The following LANCL3 variants were observed in gnomAD, a reference collection of about 807,000 sequenced individuals.
LANCL3 encodes the protein LanC like family member 3.
Under a neutral mutation model 26.5 loss-of-function variants are expected in LANCL3, and 19 were observed. That is an observed-to-expected ratio of 0.72 (90% CI 0.50 to 1.05). LANCL3 has a LOEUF of 1.05. LANCL3 is among the 50% of genes least tolerant of loss of function. The pLI is 0.00. For missense variants in LANCL3, 318 were observed against 362.7 expected, an observed-to-expected ratio of 0.88 and a Z score of 1.00; for synonymous variants, 160 against 166.6, an observed-to-expected ratio of 0.96 and a Z score of 0.30.
intron 1 of LANCL3, among the ~76,000 whole-genome samples, chrX:37,617,533 C>G (rs1365677696): frequency 1.8e-5 from 2 of 111,737 alleles, no homozygotes; most frequent in African/African-American, 3.3e-5. Flanking sequence ...GGTGGCAACT[C>G]TTTTCTAGAG....
At chrX:37,621,938 G>A (rs1925172350) in intron 1 of LANCL3, among the ~76,000 whole-genome samples, 1 of 111,475 alleles carries the variant, frequency 9.0e-6, no homozygotes, top group Non-Finnish European at 1.9e-5. Flanking sequence ...TGCCGCGTGA[G>A]GATAGTTCAC....
intron 1 of LANCL3, among the ~76,000 whole-genome samples, chrX:37,636,141 G>A (rs782216945): frequency 1.4e-4 from 16 of 112,122 alleles, no homozygotes; most frequent in Non-Finnish European, 1.5e-4. Context: ...AAAAGGACAT[G>A]ATCTCATTCT....
intron 3 of LANCL3, 76 bp downstream of exon 3, chrX:37,659,735 T>A (rs1926373720): frequency 3.5e-6 from 3 of 868,766 alleles, no homozygotes; most frequent in Non-Finnish European, 5.0e-6. Flanking sequence ...TTCTGAGAAG[T>A]GAGGATAGCT....
chrX:37,584,214 G>A (rs1319958352), intron 1 of LANCL3, among the ~76,000 whole-genome samples: 5 of 110,877 alleles, frequency 4.5e-5, no homozygotes, highest in Admixed American at 2.9e-4. Context: ...GCTGGATTCG[G>A]TTTGCCAGCA....
intron 1 of LANCL3, among the ~76,000 whole-genome samples, chrX:37,629,755 T>C (rs1196515487): frequency 9.0e-6 from 1 of 111,230 alleles, no homozygotes; most frequent in Non-Finnish European, 1.9e-5. Context: ...GATCAGATAG[T>C]TGTAGATATG....
intron 1 of LANCL3, among the ~76,000 whole-genome samples, chrX:37,601,958 C>T (rs146177419): frequency 8.1e-5 from 9 of 111,688 alleles, no homozygotes; most frequent in Admixed American, 1.9e-4. Context: ...AGGCAACAAA[C>T]TGGTGCCATG....
At chrX:37,662,760 A>G (rs1016553524) in intron 3 of LANCL3, among the ~76,000 whole-genome samples, 15 of 110,959 alleles carry the variant, frequency 1.4e-4, no homozygotes, top group Non-Finnish European at 2.3e-4. Context: ...TAGTGTTCCT[A>G]TGATGAAATG....
At chrX:37,624,900 C>G (rs1216675326) in intron 1 of LANCL3, among the ~76,000 whole-genome samples, 10 of 111,985 alleles carry the variant, frequency 8.9e-5, no homozygotes, top group African/African-American at 3.2e-4. Context: ...CCTCAAGATG[C>G]TCAGAGCCTT....
rs782499307 is a variant in LANCL3, at chrX:37,603,785, G to A, written c.573+31342G>A. 2.7e-5 allele frequency among the ~76,000 whole-genome samples: 3 copies of A among 112,396 alleles called. No individual in the cohort carries two copies. The South Asian group carries it at 1.1e-3, about 42-fold the overall frequency. On this transcript the variant is annotated intron_variant, in intron 1 of 4. Coordinates refer to ENST00000378619, the MANE Select transcript of LANCL3 (RefSeq NM_001170331.2). The stretch of plus-strand genomic sequence containing the variant: ...TTGTGCAGAAGAAAAGGGAAAAAAG[G>A]TGGCGGGGATAGGGAAAAAGAAAGA...
intron 1 of LANCL3, among the ~76,000 whole-genome samples, chrX:37,595,757 T>C (rs1924410365): frequency 8.9e-6 from 1 of 112,273 alleles, no homozygotes; most frequent in Non-Finnish European, 1.9e-5. Context: ...AAATTTCATA[T>C]ATATTTCTGG....
At chrX:37,591,190 C>T (rs782371677) in intron 1 of LANCL3, among the ~76,000 whole-genome samples, 9 of 111,768 alleles carry the variant, frequency 8.1e-5, no homozygotes, top group South Asian at 3.8e-4. Flanking sequence ...GTAGAACCCA[C>T]GTTTGTCTGA....
chrX:37,661,642 G>T (rs1267501731), intron 3 of LANCL3, among the ~76,000 whole-genome samples: 1 of 111,529 alleles, frequency 9.0e-6, no homozygotes, highest in Non-Finnish European at 1.9e-5. Context: ...CCAAGATTTT[G>T]CAGAGGTTGG....
chrX:37,628,923 G>A (rs782046958), intron 1 of LANCL3, among the ~76,000 whole-genome samples: 49 of 110,334 alleles, frequency 4.4e-4, no homozygotes, highest in Non-Finnish European at 7.0e-4. Flanking sequence ...TGCATGTGTC[G>A]TTATAGCAGC....
intron 1 of LANCL3, among the ~76,000 whole-genome samples, chrX:37,584,265 T>C (rs1341601077): frequency 9.2e-6 from 1 of 108,965 alleles, no homozygotes; most frequent in African/African-American, 3.5e-5. Flanking sequence ...TCAGGGATAT[T>C]GGTCTAAAAT....
chrX:37,675,296 G>A (rs1221293512), intron 4 of LANCL3, among the ~76,000 whole-genome samples: 1 of 112,140 alleles, frequency 8.9e-6, no homozygotes, highest in African/African-American at 3.2e-5. Flanking sequence ...TAAAGGAACA[G>A]TCACGTATCA....
At chrX:37,578,699 G>A (rs1432375590) in intron 1 of LANCL3, among the ~76,000 whole-genome samples, 1 of 110,944 alleles carries the variant, frequency 9.0e-6, no homozygotes, top group African/African-American at 3.3e-5. Flanking sequence ...TTTGTTTTAG[G>A]CCAGGCACGG....
chrX:37,574,330 C>T (rs1309440792), intron 1 of LANCL3, among the ~76,000 whole-genome samples: 2 of 111,351 alleles, frequency 1.8e-5, no homozygotes, highest in Admixed American at 1.9e-4. Flanking sequence ...GATTGAATTG[C>T]GAATTTGTGT....
At position 37,675,684 on chromosome X, in the gene LANCL3, C is replaced by T; in HGVS notation, c.1134C>T (p.Phe378=). The change falls in exon 5 of 5, where the codon TTC becomes TTT. Residue 378 remains phenylalanine (F), a synonymous_variant. Coordinates refer to ENST00000378619, the MANE Select transcript of LANCL3 (RefSeq NM_001170331.2). ...CTCAATTCTTATTTACCGAGGAATT[C>T]AAGGCCGGTTCTCGGGTCCTTGAAA... The part of the protein sequence containing the change: ...RFAQFLFTEE[F]KAGSRVLESI... 1 of 1,147,940 alleles carries T rather than the reference C, an allele frequency of 8.7e-7. No homozygotes were observed. Among genetic ancestry groups the T allele is most frequent in the Non-Finnish European group, 1.2e-6 (1 of 863,082 alleles). The allele number at this position is 1,147,940 out of a possible 1,213,427, so 94.6% of individuals were successfully genotyped here.
intron 1 of LANCL3, among the ~76,000 whole-genome samples, chrX:37,626,852 G>A (rs1343396712): frequency 1.8e-5 from 2 of 111,823 alleles, no homozygotes; most frequent in African/African-American, 3.2e-5. Context: ...TTTAAAGAAT[G>A]GTCCAGGAAT....
Sources: gnomAD v4.1 joint callset for allele counts (sites outside exome capture counted in the v4.1 genomes callset) on GRCh38, gnomAD v4.1.1 for gene constraint, MANE v1.5 for transcripts, NCBI Gene and HGNC (gene_info 2026-07-23, HGNC 2026-07-21) for gene names.